Variants in CAMKK1 observed in about 807,000 individuals in gnomAD.
CAMKK1 encodes calcium/calmodulin dependent protein kinase kinase 1.
In CAMKK1, 20 loss-of-function variants were observed where a neutral mutation model predicts 63.5. The ratio of observed to expected loss-of-function variants is 0.32; its 90% CI spans 0.22 to 0.46. The LOEUF is 0.46. Among genes scored for constraint, CAMKK1 ranks in the 20% least tolerant of loss-of-function variants. The pLI is 1.00. For synonymous variants in CAMKK1, 253 were observed against 269.0 expected (o/e 0.94, Z 0.58); for missense variants, 588 against 658.1 (o/e 0.89, Z 1.17).
In CAMKK1 at chr17:3,892,329, C is replaced by T. The variant is rs2055931439; in HGVS notation, c.-44+610G>A. ...CGCGTCCACGTGACACACGCACACC[C>T]GCCTCCAAACAGCACACGCAGGTCC... On this transcript the variant is annotated intron_variant, in intron 1 of 15. Transcript: ENST00000348335. This position sits in a 1 kb window ranked among gnomAD's most constrained non-coding sequence, Gnocchi z 7.5. Among the ~76,000 whole-genome samples the T allele has an allele frequency of 1.3e-5, 2 of 152,168 alleles. No individual in the cohort carries two copies. Among genetic ancestry groups the T allele is most frequent in the African/African-American group, 4.8e-5 (2 of 41,440 alleles).
intron 9 of CAMKK1, among the ~76,000 whole-genome samples, chr17:3,877,483 C>T (rs764274233): frequency 6.6e-6 from 1 of 152,184 alleles, no homozygotes; most frequent in Non-Finnish European, 1.5e-5. Flanking sequence ...AATGACCCCA[C>T]TGACCCCATC....
intron 14 of CAMKK1, among the ~76,000 whole-genome samples, chr17:3,866,378 G>A (rs1373383695): frequency 2.0e-5 from 3 of 152,236 alleles, no homozygotes; most frequent in Admixed American, 1.3e-4. Context: ...CCCGCCTTCC[G>A]GCCGCCGAGA....
rs753165786 is a variant in CAMKK1, at chr17:3,876,439, C to G, written c.797-17G>C. 1 of 1,611,814 alleles carries G rather than the reference C, an allele frequency of 6.2e-7. No individual in the cohort carries two copies. The highest frequency in any genetic ancestry group is 1.3e-5 in the African/African-American group (1 of 74,918). ...GGCAGTGCACTGCAGAGAAGGGGAG[C>G]TTGAGCTGAGCGCTGGCCTGGGCAC... is the stretch of plus-strand genomic sequence containing the variant. On this transcript the variant is annotated splice_polypyrimidine_tract_variant and intron_variant, in intron 9 of 15. Coordinates refer to ENST00000348335, the MANE Select transcript of CAMKK1 (RefSeq NM_032294.3).
At chr17:3,886,397 C>T (rs906949238) in intron 1 of CAMKK1, among the ~76,000 whole-genome samples, 2 of 152,050 alleles carry the variant, frequency 1.3e-5, no homozygotes, top group African/African-American at 2.4e-5. Context: ...TTTGGGAGGC[C>T]GAGGCAGGTG....
intron 15 of CAMKK1, among the ~76,000 whole-genome samples, chr17:3,864,980 G>C (rs1265655745): frequency 6.6e-6 from 1 of 152,234 alleles, no homozygotes; most frequent in Non-Finnish European, 1.5e-5. Context: ...CCTCTGGGGA[G>C]TGCGCCTTCC....
chr17:3,878,613 A>C (rs1190410324), intron 9 of CAMKK1, among the ~76,000 whole-genome samples: 1 of 152,012 alleles, frequency 6.6e-6, no homozygotes, highest in Non-Finnish European at 1.5e-5. Context: ...CAGTTTCCCC[A>C]TATGTGCAAA....
Position 3,869,665 on chromosome 17 carries a change from A to G in CAMKK1, c.1213-50T>C, listed in dbSNP as rs146706435. On this transcript the variant is annotated intron_variant, in intron 13 of 15. Transcript: ENST00000348335. ...GAGGGGGAGAGGTCAGGCCATTACC[A>G]GAATCACCTGGAGGGGTCCAAAGTC... The G allele has an allele frequency of 7.3e-4, 1,178 of 1,613,492 alleles. 7 individuals are homozygous for G. In the African/African-American group the frequency reaches 0.014, roughly 19 times the overall value.
rs1257643553 is a variant in CAMKK1 at position 3,882,690 on chromosome 17, AG to A, written c.649-127del. The A allele has an allele frequency of 2.1e-5, 20 of 941,178 alleles. No homozygotes were observed. Among genetic ancestry groups the A allele is most frequent in the Non-Finnish European group, 3.1e-5 (19 of 604,802 alleles). 58.3% of individuals were successfully genotyped at this position (941,178 alleles called of 1,614,324 possible). On this transcript the variant is annotated intron_variant, in intron 6 of 15. Transcript: ENST00000348335. This position sits in a 1 kb window ranked among gnomAD's most constrained non-coding sequence, Gnocchi z 4.3. ...ATGCAACCACCCCAGACAAGGAAGC[AG>A]GAAGTGTACAGGTGGTGCCAGACTG...
chr17:3,885,328 C>A lies in CAMKK1; in HGVS notation c.360G>T (p.Glu120Asp). 1 of 1,586,838 alleles carries A rather than the reference C, an allele frequency of 6.3e-7. No individual in the cohort carries two copies. The highest frequency in any genetic ancestry group is 8.6e-7 in the Non-Finnish European group (1 of 1,163,608). ...CAACCCCTCGTTCTGCCCCACCAACCTCTGCATCTGAGATGGCCACGTGGT... is the reference window on the plus strand; with the variant it reads ...CAACCCCTCGTTCTGCCCCACCAACATCTGCATCTGAGATGGCCACGTGGT... ...ESHHVAISDAEDCVQLNQYKL... is the reference protein window; with the variant it reads ...ESHHVAISDADDCVQLNQYKL... Residue 120 changes from glutamate to aspartate, a missense_variant and splice_region_variant, in exon 2 of 16, where the codon GAG becomes GAT. Physicochemically the swap from Glu to Asp is conservative, Grantham distance 45. Around this residue, in one of 3 missense-constraint regions of CAMKK1, gnomAD observed 357 missense variants for 407.4 expected, o/e 0.88. Coordinates refer to ENST00000348335, the MANE Select transcript of CAMKK1 (RefSeq NM_032294.3).
rs760788804 is a variant in CAMKK1 at position 3,869,635 on chromosome 17, AG to A, written c.1213-21del. ...GTGCAACTGTCGGGGCCGGGAGGGCAGGGAGAGGGGGAGAGGTCAGGCCATT... is the reference window on the plus strand; with the variant it reads ...GTGCAACTGTCGGGGCCGGGAGGGCAGGAGAGGGGGAGAGGTCAGGCCATT... On this transcript the variant is annotated intron_variant, in intron 13 of 15. Transcript: ENST00000348335. The A allele has an allele frequency of 2.7e-5, 43 of 1,613,962 alleles. No individual in the cohort carries two copies. In the African/African-American group the frequency reaches 4.9e-4, roughly 19 times the overall value.
intron 1 of CAMKK1, among the ~76,000 whole-genome samples, chr17:3,886,088 C>T (rs1461891555): frequency 1.3e-5 from 2 of 152,234 alleles, no homozygotes; most frequent in Non-Finnish European, 2.9e-5. Flanking sequence ...AGCTCAGCCC[C>T]AGCACAGCAT....
At chr17:3,891,527 G>GT (rs1268039180) in intron 1 of CAMKK1, among the ~76,000 whole-genome samples, 1 of 152,166 alleles carries the variant, frequency 6.6e-6, no homozygotes, top group Admixed American at 6.5e-5. Context: ...GGACCAGCAG[G>GT]TGCAAACGCC....
intron 1 of CAMKK1, among the ~76,000 whole-genome samples, chr17:3,891,869 G>A (rs1414792931): frequency 6.6e-6 from 1 of 152,262 alleles, no homozygotes; most frequent in South Asian, 2.1e-4. Context: ...CAAAGCCAGG[G>A]GGAGGTTGTG....
In CAMKK1 at chr17:3,879,950, A is replaced by G; in HGVS notation, c.796+396T>C. On this transcript the variant is annotated intron_variant, in intron 9 of 15. Transcript: ENST00000348335. The surrounding 1 kb of genome is among the most constrained non-coding windows in gnomAD (Gnocchi z 4.5). Reference sequence around the variant, plus strand: ...TATCAGACTAGGGCCCCTCACAGGTAAATCCACCCTGCCACCATGCCCCGG... The same window carrying G: ...TATCAGACTAGGGCCCCTCACAGGTGAATCCACCCTGCCACCATGCCCCGG... 4.5e-6 allele frequency: 1 copy of G among 221,948 alleles called. No homozygotes were observed. Among genetic ancestry groups the G allele is most frequent in the East Asian group, 1.2e-4 (1 of 8,416 alleles). The allele number at this position is 221,948 out of a possible 1,614,324, so 13.7% of individuals were successfully genotyped here. A position where few individuals can be genotyped will look rare whatever the true frequency, so the allele number is the denominator to read the frequency against.
intron 1 of CAMKK1, among the ~76,000 whole-genome samples, chr17:3,891,286 G>T (rs762990266): frequency 3.7e-4 from 56 of 152,190 alleles, no homozygotes; most frequent in African/African-American, 1.3e-3. Context: ...TCTCGTGGGG[G>T]CAAGAAGCAA....
At chr17:3,867,242 G>A (rs1037482581) in intron 14 of CAMKK1, among the ~76,000 whole-genome samples, 4 of 152,218 alleles carry the variant, frequency 2.6e-5, no homozygotes, top group African/African-American at 7.2e-5. Flanking sequence ...AGCGAGTCCC[G>A]TGGCCATCGG....
chr17:3,881,128 G>A (rs2055393243), intron 8 of CAMKK1, among the ~76,000 whole-genome samples: 1 of 152,184 alleles, frequency 6.6e-6, no homozygotes, highest in Non-Finnish European at 1.5e-5. Context: ...GCCGCATAGG[G>A]CAGACATGTG....
At chr17:3,888,913 C>CGTGT (rs55841323) in intron 1 of CAMKK1, among the ~76,000 whole-genome samples, 42,238 of 150,390 alleles carry the variant, frequency 0.28, 5,986 homozygotes, top group Admixed American at 0.31. Flanking sequence ...AGGGTGGTGG[C>CGTGT]GTGTGTGTGT....
Position 3,876,481 on chromosome 17 carries a change from A to AC in CAMKK1, c.797-60dup, listed in dbSNP as rs543364320. The AC allele has an allele frequency of 9.3e-4, 1,371 of 1,474,314 alleles. 4 individuals are homozygous for AC. Among genetic ancestry groups the AC allele is most frequent in the Middle Eastern group, 2.1e-3 (12 of 5,738 alleles). The allele number at this position is 1,474,314 out of a possible 1,614,324, so 91.3% of individuals were successfully genotyped here. A position where few individuals can be genotyped will look rare whatever the true frequency, so the allele number is the denominator to read the frequency against. On this transcript the variant is annotated intron_variant, in intron 9 of 15. Transcript: ENST00000348335. ...CCTGGGCACCGCTGGCCAGGACCCC[A>AC]CACCCGTCCTTGCACAGCCAGGGAC...
Sources: allele counts gnomAD v4.1 joint callset (sites outside exome capture counted in the v4.1 genomes callset), GRCh38; gene constraint gnomAD v4.1.1; regional missense constraint gnomAD v4.1.1; non-coding constraint Gnocchi (gnomAD v3.1); transcripts MANE v1.5; gene names NCBI Gene and HGNC (gene_info 2026-07-23, HGNC 2026-07-21).